The following RUFY3 variants were observed in gnomAD, a reference collection of about 807,000 sequenced individuals.
RUFY3 encodes the protein RUN and FYVE domain containing 3.
RUFY3 carries 34 observed loss-of-function variants against 84.0 expected under a neutral mutation model. That is an observed-to-expected ratio of 0.40 (90% CI 0.31 to 0.54). The LOEUF is 0.54. RUFY3 is among the 20% of genes least tolerant of loss of function. The pLI, the probability that RUFY3 is intolerant of heterozygous loss-of-function variation, is 0.39. For missense variants in RUFY3, 507 were observed against 736.8 expected, an observed-to-expected ratio of 0.69 and a Z score of 3.61; for synonymous variants, 242 against 252.9, an observed-to-expected ratio of 0.96 and a Z score of 0.41.
chr4:70,776,192 C>G (rs1051309237), intron 7 of RUFY3, among the ~76,000 whole-genome samples: 1 of 152,112 alleles, frequency 6.6e-6, no homozygotes, highest in Non-Finnish European at 1.5e-5. Context: ...TTTTCCTATA[C>G]ATATGTACCT....
chr4:70,726,427 A>G (rs577160492), intron 1 of RUFY3, among the ~76,000 whole-genome samples: 2 of 152,106 alleles, frequency 1.3e-5, no homozygotes, highest in Non-Finnish European at 2.9e-5. Context: ...CAATGGCGCT[A>G]TCTCAGTTCA....
intron 1 of RUFY3, among the ~76,000 whole-genome samples, chr4:70,708,506 G>A (rs752354238): frequency 6.6e-6 from 1 of 152,126 alleles, no homozygotes; most frequent in Non-Finnish European, 1.5e-5. Flanking sequence ...ATGGTACATG[G>A]ACTCAACCTC....
In RUFY3 at chr4:70,712,262, G is replaced by A. The variant is rs7671148; in HGVS notation, c.358+6968G>A. On this transcript the variant is annotated intron_variant, in intron 1 of 11. Transcript: ENST00000417478. ...CATTTGTGGGATATTTTTGTGTGCC[G>A]TGCAGAGAGCTAGAAACTTCACATG... is the stretch of plus-strand genomic sequence containing the variant. Among the ~76,000 whole-genome samples, 421 of 152,236 alleles carry A rather than the reference G, an allele frequency of 2.8e-3. 2 individuals are homozygous for A. The highest frequency in any genetic ancestry group is 9.4e-3 in the African/African-American group (390 of 41,544).
At chr4:70,750,569 A>ATGGTGTTC (rs1560492944) in intron 1 of RUFY3, among the ~76,000 whole-genome samples, 5 of 152,338 alleles carry the variant, frequency 3.3e-5, no homozygotes, top group South Asian at 4.1e-4. Context: ...TCACCACTTT[A>ATGGTGTTC]AAGTGTACAA....
intron 14 of RUFY3, among the ~76,000 whole-genome samples, chr4:70,795,923 CTGA>C: frequency 6.6e-6 from 1 of 152,318 alleles, no homozygotes; most frequent in East Asian, 1.9e-4. Context: ...TTGCCATTGT[CTGA>C]TGAGAGGAAT....
intron 7 of RUFY3, among the ~76,000 whole-genome samples, 182 bp downstream of exon 7, chr4:70,775,415 T>G (rs1289470738): frequency 3.3e-5 from 5 of 151,686 alleles, no homozygotes; most frequent in African/African-American, 1.2e-4. Context: ...TTGGTGACCT[T>G]TAGTGAAAGG....
At chr4:70,796,445 A>T (rs1182566408) in intron 14 of RUFY3, among the ~76,000 whole-genome samples, 3 of 152,164 alleles carry the variant, frequency 2.0e-5, no homozygotes. Context: ...AATTTCTCAA[A>T]CAAATGCTTC....
chr4:70,781,997 T>C (rs1476880338), intron 8 of RUFY3, among the ~76,000 whole-genome samples: 1 of 152,148 alleles, frequency 6.6e-6, no homozygotes, highest in East Asian at 1.9e-4. Flanking sequence ...ACCTGATCTT[T>C]TTAGGTGTTG....
chr4:70,705,656 C>T (rs1263903450), intron 1 of RUFY3, among the ~76,000 whole-genome samples: 1 of 152,192 alleles, frequency 6.6e-6, no homozygotes, highest in Non-Finnish European at 1.5e-5. Flanking sequence ...CGCCCTGGCC[C>T]TGTCCCGGGT....
intron 13 of RUFY3, 70 bp downstream of exon 13, chr4:70,793,974 G>A: frequency 6.5e-7 from 1 of 1,547,494 alleles, no homozygotes; most frequent in Non-Finnish European, 8.8e-7. Flanking sequence ...CAAGAAAAGG[G>A]GTCTCATGAC....
chr4:70,765,637 C>T (rs1288885957), intron 4 of RUFY3, among the ~76,000 whole-genome samples: 5 of 152,072 alleles, frequency 3.3e-5, no homozygotes, highest in Non-Finnish European at 7.4e-5. Flanking sequence ...TCCAGTTCTA[C>T]TCAGTTTCCT....
In RUFY3 at chr4:70,806,701, C is replaced by A. The variant is rs375746916; in HGVS notation, c.*42C>A. 1 of 1,609,654 alleles carries A rather than the reference C, an allele frequency of 6.2e-7. No homozygotes were observed. The highest frequency in any genetic ancestry group is 8.5e-7 in the Non-Finnish European group (1 of 1,177,150). ...CTGGACCAAAACGTTTATGCAGGCT[C>A]CTCTGTACCTGTGTTTTAGCTGTCA... is the stretch of plus-strand genomic sequence containing the variant. On this transcript the variant is annotated 3_prime_UTR_variant, in exon 18 of 18. Transcript: ENST00000381006.
At chr4:70,798,000 T>C (rs1731742218) in intron 14 of RUFY3, among the ~76,000 whole-genome samples, 1 of 152,212 alleles carries the variant, frequency 6.6e-6, no homozygotes, top group Non-Finnish European at 1.5e-5. Context: ...AGTTTTTCAG[T>C]CTTCAGTTGT....
At chr4:70,736,779 C>T (rs962278034) in intron 1 of RUFY3, among the ~76,000 whole-genome samples, 4 of 152,112 alleles carry the variant, frequency 2.6e-5, no homozygotes, top group African/African-American at 7.2e-5. Flanking sequence ...ACCATGTTGG[C>T]CAGGCTAGTC....
intron 1 of RUFY3, among the ~76,000 whole-genome samples, chr4:70,744,231 C>G (rs1279714478): frequency 6.6e-6 from 1 of 152,040 alleles, no homozygotes; most frequent in African/African-American, 2.4e-5. Context: ...CGAGGTATCA[C>G]TCTGTTGCCC....
At chr4:70,721,574 T>A (rs1275357081), upstream of RUFY3, among the ~76,000 whole-genome samples, 1 of 152,208 alleles carries the variant, frequency 6.6e-6, no homozygotes, top group Admixed American at 6.5e-5. Flanking sequence ...AGAACCTCAA[T>A]TTTTTATGCT....
intron 10 of RUFY3, among the ~76,000 whole-genome samples, chr4:70,787,717 G>T (rs1382160900): frequency 6.6e-6 from 1 of 152,090 alleles, no homozygotes; most frequent in East Asian, 1.9e-4. Flanking sequence ...TTAAGAAGGG[G>T]TATGATTCGT....
intron 1 of RUFY3, among the ~76,000 whole-genome samples, chr4:70,706,797 G>A (rs1289509365): frequency 6.6e-6 from 1 of 152,238 alleles, no homozygotes; most frequent in Non-Finnish European, 1.5e-5. Flanking sequence ...CATGGCAGAA[G>A]TGAGTCTTCC....
At chr4:70,754,986 C>A (rs1389426892) in intron 1 of RUFY3, among the ~76,000 whole-genome samples, 1 of 151,884 alleles carries the variant, frequency 6.6e-6, no homozygotes, top group African/African-American at 2.4e-5. Flanking sequence ...TCACTGCAAC[C>A]TCCGCTTCCC....
Sources: allele counts gnomAD v4.1 joint callset (sites outside exome capture counted in the v4.1 genomes callset), GRCh38; gene constraint gnomAD v4.1.1; transcripts MANE v1.5; gene names NCBI Gene and HGNC (gene_info 2026-07-23, HGNC 2026-07-21).